Variants in SYT1 observed in about 807,000 individuals in gnomAD.
SYT1 encodes the protein synaptotagmin 1, also known as synaptotagmin-1.
SYT1 carries 8 observed loss-of-function variants against 44.8 expected under a neutral mutation model. The ratio of observed to expected loss-of-function variants is 0.18; its 90% CI spans 0.10 to 0.32. SYT1 has a LOEUF of 0.32. Ranked by LOEUF, SYT1 falls within the 10% of genes least tolerant of loss-of-function variation. The pLI is 1.00. For missense variants in SYT1, 286 were observed against 509.3 expected, an observed-to-expected ratio of 0.56 and a Z score of 4.22; for synonymous variants, 154 against 188.8, an observed-to-expected ratio of 0.82 and a Z score of 1.51.
intron 3 of SYT1, among the ~76,000 whole-genome samples, chr12:79,208,168 T>C (rs537167192): frequency 7.9e-5 from 12 of 152,310 alleles, no homozygotes; most frequent in Non-Finnish European, 1.6e-4. Flanking sequence ...CAGAGTCATG[T>C]TCCCAATTAT....
chr12:79,122,014 G>T (rs1422537172), intron 3 of SYT1, among the ~76,000 whole-genome samples: 1 of 152,166 alleles, frequency 6.6e-6, no homozygotes, highest in Non-Finnish European at 1.5e-5. Context: ...AAAATATTCT[G>T]CTCTTGTCAT....
intron 1 of SYT1, among the ~76,000 whole-genome samples, chr12:78,910,408 C>G (rs570239959): frequency 6.1e-4 from 93 of 152,022 alleles, no homozygotes; most frequent in African/African-American, 2.1e-3. Context: ...CCTGGGTTAA[C>G]TTTTTTAGAC....
chr12:79,214,944 TG>T (rs1874691052), intron 3 of SYT1, among the ~76,000 whole-genome samples: 1 of 7,846 alleles, frequency 1.3e-4, no homozygotes, highest in Admixed American at 1.7e-3. Context: ...TGTGTATATG[TG>T]TGTGTGTGTG....
At chr12:78,913,388 CAAT>C (rs1876455849) in intron 1 of SYT1, among the ~76,000 whole-genome samples, 1 of 151,066 alleles carries the variant, frequency 6.6e-6, no homozygotes, top group Non-Finnish European at 1.5e-5. Flanking sequence ...CTTCAAGAAA[CAAT>C]TTTTAAACTT....
chr12:79,305,419 C>T (rs1880344309), intron 8 of SYT1, among the ~76,000 whole-genome samples: 1 of 152,130 alleles, frequency 6.6e-6, no homozygotes, highest in Non-Finnish European at 1.5e-5. Flanking sequence ...GGTCTGGTCT[C>T]ACAGCCTGGC....
At chr12:79,131,276 GT>G (rs1032994686) in intron 3 of SYT1, among the ~76,000 whole-genome samples, 7 of 152,104 alleles carry the variant, frequency 4.6e-5, no homozygotes, top group African/African-American at 1.7e-4. Flanking sequence ...AATCTATAAA[GT>G]TTTTTTAGAG....
intron 4 of SYT1, among the ~76,000 whole-genome samples, chr12:79,220,049 T>C (rs1284066662): frequency 1.3e-5 from 2 of 152,152 alleles, no homozygotes; most frequent in East Asian, 3.9e-4. Context: ...AATGAAGATA[T>C]AAGGTCTTCA....
At chr12:78,934,416 A>G (rs1260142531) in intron 1 of SYT1, among the ~76,000 whole-genome samples, 1 of 152,108 alleles carries the variant, frequency 6.6e-6, no homozygotes, top group African/African-American at 2.4e-5. Flanking sequence ...GCACATCTGT[A>G]GTCTCAGCTA....
intron 8 of SYT1, among the ~76,000 whole-genome samples, chr12:79,342,421 G>C (rs1382253559): frequency 6.6e-6 from 1 of 152,114 alleles, no homozygotes; most frequent in East Asian, 1.9e-4. Flanking sequence ...TGTAGAGATA[G>C]AGTCTGGCTT....
At chr12:79,097,698 G>T (rs904346353) in intron 3 of SYT1, among the ~76,000 whole-genome samples, 1 of 151,896 alleles carries the variant, frequency 6.6e-6, no homozygotes, top group Non-Finnish European at 1.5e-5. Context: ...ATTGACCTCT[G>T]GAAAATGACC....
Position 79,384,786 on chromosome 12 carries a change from GA to G in SYT1, c.928+31173del, listed in dbSNP as rs529606072. Among the ~76,000 whole-genome samples, 654 of 152,190 alleles carry G rather than the reference GA, an allele frequency of 4.3e-3. 3 individuals carry two copies. The highest frequency in any genetic ancestry group is 0.014 in the African/African-American group (585 of 41,542). On this transcript the variant is annotated intron_variant, in intron 9 of 10. Coordinates refer to ENST00000261205, the MANE Select transcript of SYT1 (RefSeq NM_005639.3). ...CTGATTTTCTATTGTTGGCCGATGTGAAAAAACGTCATCACTTATTATATGA... is the reference window on the plus strand; with the variant it reads ...CTGATTTTCTATTGTTGGCCGATGTGAAAAACGTCATCACTTATTATATGA...
chr12:79,335,154 G>T (rs1272748214), intron 8 of SYT1, among the ~76,000 whole-genome samples: 1 of 152,130 alleles, frequency 6.6e-6, no homozygotes, highest in Non-Finnish European at 1.5e-5. Context: ...AACACGGCAA[G>T]CAGTGCTTTC....
intron 8 of SYT1, among the ~76,000 whole-genome samples, chr12:79,347,306 T>TA (rs1254005889): frequency 6.6e-6 from 1 of 152,140 alleles, no homozygotes; most frequent in African/African-American, 2.4e-5. Flanking sequence ...CTTCCTGGCA[T>TA]CACCCTCAGC....
At chr12:79,179,306 ATC>A (rs1565841771) in intron 3 of SYT1, among the ~76,000 whole-genome samples, 1 of 83,696 alleles carries the variant, frequency 1.2e-5, no homozygotes, top group African/African-American at 5.6e-5. Flanking sequence ...ATTTAGATAT[ATC>A]TATATAGATA....
At chr12:78,876,795 A>AATTATATGTATTATATATTAT (rs1874129532) in intron 1 of SYT1, among the ~76,000 whole-genome samples, 1 of 27,154 alleles carries the variant, frequency 3.7e-5, no homozygotes, top group African/African-American at 1.8e-4. Flanking sequence ...TAATACATAT[A>AATTATATGTATTATATATTAT]ATATATTATA....
intron 9 of SYT1, among the ~76,000 whole-genome samples, chr12:79,411,341 T>G (rs1868416763): frequency 6.6e-6 from 1 of 152,114 alleles, no homozygotes. Flanking sequence ...TGGTCATGAA[T>G]CTAGTCTTGA....
intron 4 of SYT1, among the ~76,000 whole-genome samples, chr12:79,240,573 T>C (rs1178134616): frequency 2.0e-5 from 3 of 152,194 alleles, no homozygotes; most frequent in Non-Finnish European, 4.4e-5. Flanking sequence ...TCAGTTCATA[T>C]CAACAGGTTC....
chr12:78,996,638 A>C (rs1328111284), intron 2 of SYT1, among the ~76,000 whole-genome samples: 3 of 152,218 alleles, frequency 2.0e-5, no homozygotes, highest in Non-Finnish European at 4.4e-5. Flanking sequence ...ATCAAACAGC[A>C]TATGCAGAAT....
intron 8 of SYT1, among the ~76,000 whole-genome samples, chr12:79,323,746 C>G (rs2138987514): frequency 6.6e-6 from 1 of 151,044 alleles, no homozygotes; most frequent in Non-Finnish European, 1.5e-5. Context: ...TATTAGATAG[C>G]CATTAGGCAT....
Sources: allele counts gnomAD v4.1 joint callset (sites outside exome capture counted in the v4.1 genomes callset), GRCh38; gene constraint gnomAD v4.1.1; transcripts MANE v1.5; gene names NCBI Gene and HGNC (gene_info 2026-07-23, HGNC 2026-07-21).